The following KLHL34 variants were observed in gnomAD, a reference collection of about 807,000 sequenced individuals.
KLHL34 encodes the protein kelch-like protein 34.
KLHL34 carries 24 observed loss-of-function variants against 23.8 expected under a neutral mutation model. The observed-to-expected ratio is 1.01, with a 90% CI of 0.73 to 1.42. The LOEUF (loss-of-function observed/expected upper bound fraction) is 1.42. Among genes scored for constraint, KLHL34 ranks in the 40% most tolerant of loss-of-function variants. The pLI is 0.00. For synonymous variants in KLHL34, 303 were observed against 287.9 expected, an observed-to-expected ratio of 1.05 and a Z score of -0.53; for missense variants, 652 against 595.1, an observed-to-expected ratio of 1.10 and a Z score of -0.99.
rs2092729497 is a variant in KLHL34, at chrX:21,654,959, G to C, written c.*895C>G. 1 of 111,419 alleles carries C rather than the reference G, an allele frequency of 9.0e-6. No homozygotes were observed. Among genetic ancestry groups the C allele is most frequent in the Non-Finnish European group, 1.9e-5 (1 of 53,043 alleles). 9.2% of individuals were successfully genotyped at this position (111,419 alleles called of 1,213,427 possible). The stretch of plus-strand genomic sequence containing the variant: ...TCTGTGATTCTTTTGGGGGAAGTGG[G>C]GGTAACCACCAAAAATTGATTTTTT... On this transcript the variant is annotated 3_prime_UTR_variant, in exon 1 of 1. Transcript: ENST00000379499.
chrX:21,656,377 C>A lies in KLHL34; in HGVS notation c.1412G>T (p.Gly471Val). 1.7e-6 allele frequency: 2 copies of A among 1,196,702 alleles called. No individual in the cohort carries two copies. Among genetic ancestry groups the A allele is most frequent in the Non-Finnish European group, 2.2e-6 (2 of 888,973 alleles). ...CGAGATGTACACAACACCGCGGTCC[C>A]CGACGGCCCCCGCGTGACCGTGCAG... ...RALHGHAGAV[G>V]DRGVVYISGG... is the part of the protein sequence containing the mutation. Residue 471 changes from glycine (G) to valine (V), a missense_variant, in exon 1 of 1, where the codon GGG (glycine) becomes GTG (valine). Gly to Val is a moderately radical substitution (Grantham distance 109). Transcript: ENST00000379499.
chrX:21,656,557 A>G lies in KLHL34; in HGVS notation c.1232T>C (p.Met411Thr), dbSNP rs1257079404. ...RFHAWTEVPA[M>T]REARAHFWCG... The stretch of plus-strand genomic sequence containing the variant: ...CCAGAAGTGGGCCCGCGCTTCCCGC[A>G]TGGCGGGCACTTCCGTCCAAGCGTG... The change falls in exon 1 of 1, where the codon ATG becomes ACG. Residue 411 changes from methionine to threonine, a missense_variant. Transcript: ENST00000379499. The G allele has an allele frequency of 8.3e-7, 1 of 1,198,739 alleles. No homozygotes were observed. Among genetic ancestry groups the G allele is most frequent in the Non-Finnish European group, 1.1e-6 (1 of 890,093 alleles).
At position 21,656,936 on chromosome X, in the gene KLHL34, C is replaced by T. The variant is rs2092734048; in HGVS notation, c.853G>A (p.Val285Met). ...IRSPQTRILL[V>M]GGRRAREVVI... is the part of the protein sequence containing the mutation. Reference sequence around the variant, plus strand: ...ACCTCCCGTGCCCTGCGCCCCCCCACCAACAAGATGCGGGTCTGGGGGCTC... The same window carrying T: ...ACCTCCCGTGCCCTGCGCCCCCCCATCAACAAGATGCGGGTCTGGGGGCTC... The change falls in exon 1 of 1, where the codon GTG becomes ATG. Residue 285 changes from valine to methionine, a missense_variant. Transcript: ENST00000379499. The T allele has an allele frequency of 8.6e-7, 1 of 1,157,865 alleles. No individual in the cohort carries two copies. Among genetic ancestry groups the T allele is most frequent in the African/African-American group, 1.8e-5 (1 of 55,628 alleles).
Position 21,658,052 on chromosome X carries a change from G to A in KLHL34, c.-264C>T, listed in dbSNP as rs2092736068. ...AGGGCGCGGAATTTGGAGGCTTCCC[G>A]GGAGTGTGGGGCTTGGTTTCCACGA... On this transcript the variant is annotated 5_prime_UTR_variant, in exon 1 of 1. Coordinates refer to ENST00000379499, the MANE Select transcript of KLHL34 (RefSeq NM_153270.3). 3.3e-6 allele frequency: 1 copy of A among 307,432 alleles called. No homozygotes were observed. The highest frequency in any genetic ancestry group is 5.8e-6 in the Non-Finnish European group (1 of 171,334). The allele number at this position is 307,432 out of a possible 1,213,427, so 25.3% of individuals were successfully genotyped here.
Position 21,656,112 on chromosome X carries a change from G to A in KLHL34, c.1677C>T (p.Tyr559=). 1 of 1,178,688 alleles carries A rather than the reference G, an allele frequency of 8.5e-7. No individual in the cohort carries two copies. Among genetic ancestry groups the A allele is most frequent in the Non-Finnish European group, 1.1e-6 (1 of 877,670 alleles). ...DQWTRLRPLP[Y]DRFCYGLAVV... is the part of the protein sequence containing the mutation. ...CGGCCAGCCCATAGCAGAAGCGGTC[G>A]TAGGGCAGCGGCCGCAACCGAGTCC... is the stretch of plus-strand genomic sequence containing the variant. Residue 559 remains tyrosine (Y), a synonymous_variant, in exon 1 of 1, where the codon TAC becomes TAT. Transcript: ENST00000379499.
At position 21,656,282 on chromosome X, in the gene KLHL34, C is replaced by T. The variant is rs754052481; in HGVS notation, c.1507G>A (p.Glu503Lys). Residue 503 changes from glutamate to lysine, a missense_variant, in exon 1 of 1, where the codon GAG becomes AAG. Physicochemically the swap from Glu to Lys is moderately conservative, Grantham distance 56. Transcript: ENST00000379499. ...LRDLYVLGPE[E>K]QVWSKKAPMG... is the part of the protein sequence containing the mutation. ...GGTGCCTTCTTGCTCCAAACCTGCT[C>T]CTCAGGGCCCAGGACGTATAAGTCC... 14 of 1,202,800 alleles carry T rather than the reference C, an allele frequency of 1.2e-5. No homozygotes were observed. Among genetic ancestry groups the T allele is most frequent in the Middle Eastern group, 2.3e-4 (1 of 4,349 alleles).
Position 21,655,941 on chromosome X carries a change from C to A in KLHL34, c.1848G>T (p.Leu616=). The change falls in exon 1 of 1, where the codon CTG becomes CTT. Residue 616 remains leucine, a synonymous_variant. Transcript: ENST00000379499. ...CGGCCAGCTGCAGCACTGCGCACCGCAGGCCGCTCCAGGCCCAGGGCAACG... is the reference window on the plus strand; with the variant it reads ...CGGCCAGCTGCAGCACTGCGCACCGAAGGCCGCTCCAGGCCCAGGGCAACG... ...GCALPWAWSG[L]RCAVLQLAEG... is the part of the protein sequence containing the mutation. The A allele has an allele frequency of 3.3e-6, 4 of 1,211,037 alleles. No individual in the cohort carries two copies. Among genetic ancestry groups the A allele is most frequent in the Non-Finnish European group, 4.5e-6 (4 of 895,228 alleles).
At position 21,656,205 on chromosome X, in the gene KLHL34, C is replaced by T. The variant is rs1386595912; in HGVS notation, c.1584G>A (p.Val528=). The T allele has an allele frequency of 1.7e-6, 2 of 1,179,115 alleles. No homozygotes were observed. The highest frequency in any genetic ancestry group is 3.5e-5 in the African/African-American group (2 of 56,658). ...GHHMAVLRGA[V]FAFLGRYEPF... is the part of the protein sequence containing the mutation. ...GCTCGTATCGCCCCAGAAAAGCAAA[C>T]ACAGCGCCGCGCAGCACTGCCATGT... The change falls in exon 1 of 1, where the codon GTG becomes GTA. Residue 528 remains valine (V), a synonymous_variant. Transcript: ENST00000379499.
chrX:21,655,850 C>G lies in KLHL34; in HGVS notation c.*4G>C, dbSNP rs764969010. 1 of 1,170,078 alleles carries G rather than the reference C, an allele frequency of 8.5e-7. No homozygotes were observed. Among genetic ancestry groups the G allele is most frequent in the Non-Finnish European group, 1.1e-6 (1 of 873,700 alleles). On this transcript the variant is annotated 3_prime_UTR_variant, in exon 1 of 1. Coordinates refer to ENST00000379499, the MANE Select transcript of KLHL34 (RefSeq NM_153270.3). ...CATTGCGGAAGGAAACCGGACTGAC[C>G]CATTCAGCCCAGCACCAAATCTAGC...
In KLHL34 at chrX:21,656,947, C is replaced by T. The variant is rs773745443; in HGVS notation, c.842G>A (p.Arg281His). 8.6e-7 allele frequency: 1 copy of T among 1,158,624 alleles called. No homozygotes were observed. The highest frequency in any genetic ancestry group is 3.0e-5 in the East Asian group (1 of 33,259). Reference sequence around the variant, plus strand: ...CCTGCGCCCCCCCACCAACAAGATGCGGGTCTGGGGGCTCCGGATGCTGGT... The same window carrying T: ...CCTGCGCCCCCCCACCAACAAGATGTGGGTCTGGGGGCTCCGGATGCTGGT... ...EQTSIRSPQT[R>H]ILLVGGRRAR... Residue 281 changes from arginine to histidine, a missense_variant, in exon 1 of 1, where the codon CGC (arginine) becomes CAC (histidine). Physicochemically the swap from Arg to His is conservative, Grantham distance 29. Transcript: ENST00000379499.
Position 21,657,148 on chromosome X carries a change from G to A in KLHL34, c.641C>T (p.Ala214Val). 5 of 1,204,612 alleles carry A rather than the reference G, an allele frequency of 4.2e-6. No homozygotes were observed. The highest frequency in any genetic ancestry group is 4.5e-6 in the Non-Finnish European group (4 of 893,368). ...ACGCTCCAGCAACTCTGTACAGTGT[G>A]CCAGGCGCTCAGTTGTGGGCTCCTG... ...LRQEPTTERL[A>V]HCTELLERVR... Residue 214 changes from alanine to valine, a missense_variant, in exon 1 of 1, where the codon GCA becomes GTA. Coordinates refer to ENST00000379499, the MANE Select transcript of KLHL34 (RefSeq NM_153270.3).
At position 21,658,287 on chromosome X, in the gene KLHL34, A is replaced by T. The variant is rs1489614557; in HGVS notation, c.-499T>A. On this transcript the variant is annotated 5_prime_UTR_variant, in exon 1 of 1. Coordinates refer to ENST00000379499, the MANE Select transcript of KLHL34 (RefSeq NM_153270.3). ...GACTCTGACCTCTCCGGGGTGGACG[A>T]GGAGGACGGGTTCTGCGGGCACCCG... The T allele has an allele frequency of 7.9e-6, 1 of 126,956 alleles. No individual in the cohort carries two copies. The highest frequency in any genetic ancestry group is 1.8e-5 in the Non-Finnish European group (1 of 55,146). 10.5% of individuals were successfully genotyped at this position (126,956 alleles called of 1,213,427 possible). A position where few individuals can be genotyped will look rare whatever the true frequency, so the allele number is the denominator to read the frequency against.
rs1308719277 is a variant in KLHL34 at position 21,657,970 on chromosome X, T to C, written c.-182A>G. The C allele has an allele frequency of 5.8e-5, 39 of 675,860 alleles. No individual in the cohort carries two copies. The Admixed American group carries it at 1.8e-3, about 30-fold the overall frequency. The allele number at this position is 675,860 out of a possible 1,213,427, so 55.7% of individuals were successfully genotyped here. A position where few individuals can be genotyped will look rare whatever the true frequency, so the allele number is the denominator to read the frequency against. ...TCATCCAGACCTGCAGATCGCCCAG[T>C]GCCCCTCTCAGAGCAAATCCAGTCT... On this transcript the variant is annotated 5_prime_UTR_variant, in exon 1 of 1. Coordinates refer to ENST00000379499, the MANE Select transcript of KLHL34 (RefSeq NM_153270.3).
In KLHL34 at chrX:21,657,734, A is replaced by G; in HGVS notation, c.55T>C (p.Tyr19His). ...KAHGGALLTG[Y>H]QALRAEGFLC... ...AAGCCCTCGGCGCGCAGGGCCTGGT[A>G]GCCGGTGAGCAGCGCGCCGCCATGA... Residue 19 changes from tyrosine (Y) to histidine (H), a missense_variant, in exon 1 of 1, where the codon TAC (tyrosine) becomes CAC (histidine). Physicochemically the swap from Tyr to His is moderately conservative, Grantham distance 83. Transcript: ENST00000379499. 2 of 1,202,652 alleles carry G rather than the reference A, an allele frequency of 1.7e-6. No homozygotes were observed. The highest frequency in any genetic ancestry group is 2.2e-6 in the Non-Finnish European group (2 of 893,020).
At position 21,657,399 on chromosome X, in the gene KLHL34, G is replaced by C. The variant is rs763594004; in HGVS notation, c.390C>G (p.Asn130Lys). 3.4e-6 allele frequency: 4 copies of C among 1,179,608 alleles called. No individual in the cohort carries two copies. In the East Asian group the frequency reaches 9.1e-5, roughly 27 times the overall value. Residue 130 changes from asparagine (N) to lysine (K), a missense_variant, in exon 1 of 1, where the codon AAC (asparagine) becomes AAG (lysine). Transcript: ENST00000379499. ...CTGCCACGTTGGCGGCGAAGCAGCAGTTCTCTGGAGCCAGCTGGCGCTCCA... is the reference window on the plus strand; with the variant it reads ...CTGCCACGTTGGCGGCGAAGCAGCACTTCTCTGGAGCCAGCTGGCGCTCCA... ...RYLERQLAPENCCFAANVAAR... is the reference protein window; with the variant it reads ...RYLERQLAPEKCCFAANVAAR...
rs1431792018 is a variant in KLHL34, at chrX:21,657,155, G to A, written c.634C>T (p.Arg212Cys). Residue 212 changes from arginine (R) to cysteine (C), a missense_variant, in exon 1 of 1, where the codon CGC (arginine) becomes TGC (cysteine). By Grantham distance (180) the Arg-to-Cys change is radical. Coordinates refer to ENST00000379499, the MANE Select transcript of KLHL34 (RefSeq NM_153270.3). ...AGCAACTCTGTACAGTGTGCCAGGC[G>A]CTCAGTTGTGGGCTCCTGCCGCAAC... ...AWLRQEPTTE[R>C]LAHCTELLER... 1.7e-6 allele frequency: 2 copies of A among 1,202,596 alleles called. No individual in the cohort carries two copies. The highest frequency in any genetic ancestry group is 2.2e-6 in the Non-Finnish European group (2 of 892,447).
Position 21,656,072 on chromosome X carries a change from C to A in KLHL34, c.1717G>T (p.Ala573Ser). Residue 573 changes from alanine (A) to serine (S), a missense_variant, in exon 1 of 1, where the codon GCG becomes TCG. Physicochemically the swap from Ala to Ser is moderately conservative, Grantham distance 99. Transcript: ENST00000379499. ...CYGLAVVEET[A>S]LLLGGLKWRD... ...CACTTGAGGCCGCCCAGCAGCAACG[C>A]TGTCTCCTCGACCACGGCCAGCCCA... The A allele has an allele frequency of 1.3e-5, 16 of 1,194,313 alleles. No homozygotes were observed. The highest frequency in any genetic ancestry group is 1.8e-5 in the Non-Finnish European group (16 of 885,904).
At position 21,657,724 on chromosome X, in the gene KLHL34, A is replaced by G. The variant is rs1391365343; in HGVS notation, c.65T>C (p.Leu22Pro). The G allele has an allele frequency of 1.7e-6, 2 of 1,203,063 alleles. No homozygotes were observed. Among genetic ancestry groups the G allele is most frequent in the South Asian group, 1.8e-5 (1 of 56,302 alleles). The change falls in exon 1 of 1, where the codon CTG (leucine) becomes CCG (proline). Residue 22 changes from leucine (L) to proline (P), a missense_variant. Leu to Pro is a moderately conservative substitution (Grantham distance 98). Coordinates refer to ENST00000379499, the MANE Select transcript of KLHL34 (RefSeq NM_153270.3). ...GGALLTGYQA[L>P]RAEGFLCDVT... is the part of the protein sequence containing the mutation. Reference sequence around the variant, plus strand: ...GTCGCACAGGAAGCCCTCGGCGCGCAGGGCCTGGTAGCCGGTGAGCAGCGC... The same window carrying G: ...GTCGCACAGGAAGCCCTCGGCGCGCGGGGCCTGGTAGCCGGTGAGCAGCGC...
chrX:21,657,917 C>T lies in KLHL34; in HGVS notation c.-129G>A. 1.9e-6 allele frequency: 2 copies of T among 1,033,105 alleles called. No homozygotes were observed. Among genetic ancestry groups the T allele is most frequent in the Non-Finnish European group, 2.6e-6 (2 of 779,046 alleles). 85.1% of individuals were successfully genotyped at this position (1,033,105 alleles called of 1,213,427 possible). On this transcript the variant is annotated 5_prime_UTR_variant, in exon 1 of 1. Coordinates refer to ENST00000379499, the MANE Select transcript of KLHL34 (RefSeq NM_153270.3). The stretch of plus-strand genomic sequence containing the variant: ...AGCCCCTAGCAGGGGCCCATTTCTG[C>T]CTGCTCAGTTTAAAGCCCAGGGCTC...
Sources: gnomAD v4.1 joint callset for allele counts on GRCh38, gnomAD v4.1.1 for gene constraint, MANE v1.5 for transcripts, NCBI Gene and HGNC (gene_info 2026-07-23, HGNC 2026-07-21) for gene names.